FGF2: variants seen among roughly 807,000 people sequenced by gnomAD.
FGF2 encodes basic fibroblast growth factor bFGF.
In FGF2, 13 loss-of-function variants were observed where a neutral mutation model predicts 15.9. The observed-to-expected ratio is 0.82, with a 90% confidence interval of 0.53 to 1.30. FGF2 has a LOEUF of 1.30. Among genes scored for constraint, FGF2 ranks in the 50% most tolerant of loss-of-function variants. The pLI is 0.00. For missense variants in FGF2, 163 were observed against 196.9 expected (o/e 0.83, Z 1.03); for synonymous variants, 90 against 78.4 (o/e 1.15, Z -0.78).
chr4:122,863,069 T>A (rs1014370495), intron 1 of FGF2, among the ~76,000 whole-genome samples: 1 of 152,148 alleles, frequency 6.6e-6, no homozygotes, highest in African/African-American at 2.4e-5. Flanking sequence ...CGTTTAAAAA[T>A]TTGTACTTTA....
chr4:122,875,033 A>G (rs530484591), intron 1 of FGF2, among the ~76,000 whole-genome samples: 15 of 152,318 alleles, frequency 9.8e-5, no homozygotes, highest in African/African-American at 3.6e-4. Flanking sequence ...GAAGTTTGGT[A>G]ATAAAGAGTT....
At chr4:122,882,790 C>G (rs181279883) in intron 2 of FGF2, 42 of 152,296 alleles carry the variant, frequency 2.8e-4, no homozygotes, top group African/African-American at 9.9e-4. Context: ...AATCTCTAGT[C>G]TTACCATCCA....
At chr4:122,848,575 G>A (rs562208634) in intron 1 of FGF2, among the ~76,000 whole-genome samples, 7 of 152,148 alleles carry the variant, frequency 4.6e-5, no homozygotes, top group South Asian at 2.1e-4. Flanking sequence ...CCTACTCTTC[G>A]CTTGTCCCTT....
At chr4:122,847,643 G>A (rs308415) in intron 1 of FGF2, among the ~76,000 whole-genome samples, 14,233 of 91,888 alleles carry the variant, frequency 0.15, 990 homozygotes, top group African/African-American at 0.45. Flanking sequence ...CTATCTATCT[G>A]TCTATCTAAT....
chr4:122,845,800 T>C (rs1726098723), intron 1 of FGF2, among the ~76,000 whole-genome samples: 2 of 152,230 alleles, frequency 1.3e-5, no homozygotes, highest in African/African-American at 4.8e-5. Flanking sequence ...ACTCAAACTT[T>C]CTCCATATCA....
chr4:122,839,142 CA>C (rs1163298230), intron 1 of FGF2, among the ~76,000 whole-genome samples: 1 of 152,114 alleles, frequency 6.6e-6, no homozygotes, highest in African/African-American at 2.4e-5. Context: ...ATGCATTTCT[CA>C]GAATGTATCC....
At chr4:122,867,995 C>G (rs576306523) in intron 1 of FGF2, among the ~76,000 whole-genome samples, 9 of 152,152 alleles carry the variant, frequency 5.9e-5, no homozygotes, top group Non-Finnish European at 5.9e-5. Context: ...TTACTATTAA[C>G]TTGCCTAGTA....
chr4:122,854,835 C>G (rs561874723), intron 1 of FGF2, among the ~76,000 whole-genome samples: 1 of 152,256 alleles, frequency 6.6e-6, no homozygotes, highest in Non-Finnish European at 1.5e-5. Flanking sequence ...ACTCTCTTGT[C>G]TTAAGCCTGC....
At chr4:122,861,652 G>C (rs545684279) in intron 1 of FGF2, among the ~76,000 whole-genome samples, 2 of 152,082 alleles carry the variant, frequency 1.3e-5, no homozygotes, top group African/African-American at 4.8e-5. Flanking sequence ...TTCATTAAAA[G>C]CTCTCATTCT....
intron 1 of FGF2, among the ~76,000 whole-genome samples, chr4:122,856,408 C>A (rs988035483): frequency 1.3e-5 from 2 of 152,152 alleles, no homozygotes; most frequent in Non-Finnish European, 1.5e-5. Flanking sequence ...GCTATTTGGT[C>A]TGCGGGCTCT....
intron 1 of FGF2, among the ~76,000 whole-genome samples, chr4:122,852,955 A>T (rs7693141): frequency 0.14 from 11,147 of 80,304 alleles, 534 homozygotes; most frequent in African/African-American, 0.24. Flanking sequence ...CCTTTCTGTT[A>T]TAGGGCCCTT....
intron 2 of FGF2, among the ~76,000 whole-genome samples, chr4:122,888,020 T>G (rs1292491175): frequency 6.6e-6 from 1 of 152,222 alleles, no homozygotes; most frequent in Non-Finnish European, 1.5e-5. Context: ...AGGTGCTCAG[T>G]AAATACTGTC....
At chr4:122,848,339 T>A (rs1439676614) in intron 1 of FGF2, among the ~76,000 whole-genome samples, 3 of 152,206 alleles carry the variant, frequency 2.0e-5, no homozygotes, top group Admixed American at 2.0e-4. Context: ...TGTGGGTTAG[T>A]TTTTCTTCTT....
At chr4:122,861,991 T>A (rs769585329) in intron 1 of FGF2, among the ~76,000 whole-genome samples, 2 of 152,204 alleles carry the variant, frequency 1.3e-5, no homozygotes, top group Non-Finnish European at 2.9e-5. Context: ...GCTCTCAAAG[T>A]AGCCTGTGTA....
intron 1 of FGF2, among the ~76,000 whole-genome samples, chr4:122,859,689 C>A (rs1160576117): frequency 6.6e-6 from 1 of 151,882 alleles, no homozygotes; most frequent in Non-Finnish European, 1.5e-5. Context: ...AGATCTATAA[C>A]AACTGTTTCC....
intron 1 of FGF2, among the ~76,000 whole-genome samples, chr4:122,867,304 A>G (rs1726620943): frequency 6.6e-6 from 1 of 152,216 alleles, no homozygotes; most frequent in Non-Finnish European, 1.5e-5. Context: ...TTATACCTCA[A>G]TAAGGCTATA....
At chr4:122,856,649 T>A (rs540048931) in intron 1 of FGF2, among the ~76,000 whole-genome samples, 110 of 152,298 alleles carry the variant, frequency 7.2e-4, no homozygotes, top group Non-Finnish European at 1.3e-3. Context: ...TTGAGATAAT[T>A]ATAGATTCAT....
At chr4:122,852,602 G>A (rs1478198401) in intron 1 of FGF2, among the ~76,000 whole-genome samples, 2 of 152,176 alleles carry the variant, frequency 1.3e-5, no homozygotes, top group South Asian at 2.1e-4. Flanking sequence ...TTATGAGCAT[G>A]GAATTGGTGC....
chr4:122,860,367 A>C (rs1383056675), intron 1 of FGF2, among the ~76,000 whole-genome samples: 1 of 151,930 alleles, frequency 6.6e-6, no homozygotes, highest in African/African-American at 2.4e-5. Flanking sequence ...TTATTTTGGA[A>C]TAATTTTAGA....
Sources: gnomAD v4.1 joint callset for allele counts (sites outside exome capture counted in the v4.1 genomes callset) on GRCh38, gnomAD v4.1.1 for gene constraint, MANE v1.5 for transcripts, NCBI Gene and HGNC (gene_info 2026-07-23, HGNC 2026-07-21) for gene names.